The following PCDHA6 variants were observed in gnomAD, a reference collection of about 807,000 sequenced individuals.
The protein encoded by PCDHA6 is protocadherin alpha 6, also known as protocadherin alpha-6.
In PCDHA6, 55 loss-of-function variants were observed where a neutral mutation model predicts 60.3. The ratio of observed to expected loss-of-function variants is 0.91; its 90% CI spans 0.73 to 1.14. PCDHA6 has a LOEUF of 1.14. Ranked by LOEUF, PCDHA6 falls within the 50% of genes most tolerant of loss-of-function variation. The pLI, the probability that PCDHA6 is intolerant of heterozygous loss-of-function variation, is 0.00. For synonymous variants in PCDHA6, 652 were observed against 557.9 expected, an observed-to-expected ratio of 1.17 and a Z score of -2.38; for missense variants, 1,327 against 1,256.5, an observed-to-expected ratio of 1.06 and a Z score of -0.85.
At chr5:140,856,978 G>A in intron 1 of PCDHA6, 2 of 1,594,578 alleles carry the variant, frequency 1.3e-6, no homozygotes, top group Non-Finnish European at 1.7e-6. Context: ...TTGACTTTGA[G>A]GACAGTAACA....
intron 1 of PCDHA6, among the ~76,000 whole-genome samples, chr5:140,938,952 C>G (rs1036829091): frequency 4.6e-5 from 7 of 152,104 alleles, no homozygotes; most frequent in South Asian, 2.1e-4. Flanking sequence ...TTATAATGCT[C>G]TAGTCGGAGT....
At chr5:140,949,825 C>G (rs1321892793) in intron 1 of PCDHA6, among the ~76,000 whole-genome samples, 2 of 151,748 alleles carry the variant, frequency 1.3e-5, no homozygotes, top group African/African-American at 4.8e-5. Flanking sequence ...TATTTGTCCC[C>G]TCTGATTTTG....
intron 1 of PCDHA6, chr5:140,869,581 G>A: frequency 1.9e-6 from 3 of 1,614,134 alleles, no homozygotes; most frequent in East Asian, 2.2e-5. Flanking sequence ...AGCTTCTGAT[G>A]CTGACATTGA....
chr5:140,843,519 G>A, intron 1 of PCDHA6: 1 of 1,595,904 alleles, frequency 6.3e-7, no homozygotes, highest in Non-Finnish European at 8.6e-7. Context: ...GGCGGGTGCC[G>A]GGCGGGCAAG....
intron 1 of PCDHA6, chr5:140,883,143 C>A (rs782699546): frequency 1.2e-6 from 2 of 1,614,042 alleles, no homozygotes; most frequent in South Asian, 1.1e-5. Context: ...GTGGTATATG[C>A]ATTTACCATA....
At chr5:140,871,288 G>A (rs1254609310) in intron 1 of PCDHA6, 2 of 1,613,786 alleles carry the variant, frequency 1.2e-6, no homozygotes, top group Non-Finnish European at 1.7e-6. Context: ...GCCCACTGAG[G>A]GCGCGTGCGC....
chr5:140,848,637 A>G, intron 1 of PCDHA6: 1 of 1,593,240 alleles, frequency 6.3e-7, no homozygotes, highest in Non-Finnish European at 8.6e-7. Context: ...CGTGGGCCGC[A>G]TCGCGCAGGA....
intron 3 of PCDHA6, among the ~76,000 whole-genome samples, chr5:140,999,693 A>AT (rs202183337): frequency 0.011 from 1,632 of 151,520 alleles, 13 homozygotes; most frequent in Middle Eastern, 0.058. Flanking sequence ...AAGAAATGTG[A>AT]TTTTTTTTTA....
chr5:140,855,356 T>C (rs892931539), intron 1 of PCDHA6, among the ~76,000 whole-genome samples: 1 of 149,998 alleles, frequency 6.7e-6, no homozygotes, highest in African/African-American at 2.4e-5. Context: ...GTCATGTGGC[T>C]AGTGAGTAGG....
intron 1 of PCDHA6, chr5:140,968,856 G>A (rs782749305): frequency 1.2e-6 from 2 of 1,614,184 alleles, no homozygotes; most frequent in South Asian, 1.1e-5. Flanking sequence ...CATGTTAAGA[G>A]CCCTCGGACA....
At chr5:140,877,958 C>A in intron 1 of PCDHA6, 1 of 1,319,110 alleles carries the variant, frequency 7.6e-7, no homozygotes, top group Non-Finnish European at 1.0e-6. Flanking sequence ...AATGTCTCAT[C>A]TTTCTTGGTC....
intron 1 of PCDHA6, chr5:140,871,319 T>C (rs782385310): frequency 6.2e-7 from 1 of 1,614,040 alleles, no homozygotes; most frequent in Admixed American, 1.7e-5. Flanking sequence ...CCCACGCTGG[T>C]GTGCTCCCGC....
Position 140,963,207 on chromosome 5 carries a change from C to A in PCDHA6, c.2395-15742C>A, listed in dbSNP as rs180756619. Among the ~76,000 whole-genome samples, 890 of 148,428 alleles carry A rather than the reference C, an allele frequency of 6.0e-3. 8 individuals are homozygous for A. Among genetic ancestry groups the A allele is most frequent in the African/African-American group, 0.021 (788 of 38,366 alleles). On this transcript the variant is annotated intron_variant, in intron 1 of 3. Transcript: ENST00000529310. Reference sequence around the variant, plus strand: ...TAGACTGTGAAAATGAAAAAAAAAACCTCGTGTTTAGAGTAGACACTGTTT... The same window carrying A: ...TAGACTGTGAAAATGAAAAAAAAAAACTCGTGTTTAGAGTAGACACTGTTT...
chr5:140,869,819 A>G, intron 1 of PCDHA6: 1 of 1,612,282 alleles, frequency 6.2e-7, no homozygotes, highest in Non-Finnish European at 8.5e-7. Context: ...AACGACAATG[A>G]TCCAGAGTTT....
chr5:140,844,618 A>C (rs1230516172), intron 1 of PCDHA6, among the ~76,000 whole-genome samples: 1 of 149,532 alleles, frequency 6.7e-6, no homozygotes, highest in Non-Finnish European at 1.5e-5. Context: ...AAATGTTTTC[A>C]TCAGAAAAAC....
intron 1 of PCDHA6, among the ~76,000 whole-genome samples, chr5:140,955,016 T>C (rs1389069329): frequency 6.6e-6 from 1 of 152,226 alleles, no homozygotes; most frequent in Admixed American, 6.5e-5. Context: ...CCCAGCACCA[T>C]TTATTAAATA....
At chr5:140,914,339 C>T (rs1554196289) in intron 1 of PCDHA6, among the ~76,000 whole-genome samples, 1 of 152,130 alleles carries the variant, frequency 6.6e-6, no homozygotes, top group East Asian at 1.9e-4. Flanking sequence ...CCTTCTTTGT[C>T]TCTTTTTGGA....
At chr5:140,840,784 A>G (rs1776867902) in intron 1 of PCDHA6, among the ~76,000 whole-genome samples, 1 of 152,094 alleles carries the variant, frequency 6.6e-6, no homozygotes, top group East Asian at 1.9e-4. Context: ...TTAGAATTAT[A>G]TGCTCACCTC....
intron 1 of PCDHA6, among the ~76,000 whole-genome samples, chr5:140,903,429 G>A (rs782504374): frequency 1.3e-5 from 2 of 152,180 alleles, no homozygotes; most frequent in Non-Finnish European, 2.9e-5. Context: ...AGCACAATAT[G>A]TATCAGTGGA....
Sources: allele counts gnomAD v4.1 joint callset (sites outside exome capture counted in the v4.1 genomes callset), GRCh38; gene constraint gnomAD v4.1.1; transcripts MANE v1.5; gene names NCBI Gene and HGNC (gene_info 2026-07-23, HGNC 2026-07-21).